ZWILCH: variants seen among roughly 807,000 people sequenced by gnomAD.
ZWILCH encodes zwilch kinetochore protein.
Under a neutral mutation model 79.9 loss-of-function variants are expected in ZWILCH, and 74 were observed. The ratio of observed to expected loss-of-function variants is 0.93; its 90% CI spans 0.77 to 1.12. The LOEUF is 1.12. Among genes scored for constraint, ZWILCH ranks in the 50% most tolerant of loss-of-function variants. The pLI is 0.00. For synonymous variants in ZWILCH, 241 were observed against 228.2 expected, an observed-to-expected ratio of 1.06 and a Z score of -0.51; for missense variants, 694 against 687.5, an observed-to-expected ratio of 1.01 and a Z score of -0.11.
chr15:66,507,887 C>G (rs1893887912), intron 1 of ZWILCH, among the ~76,000 whole-genome samples: 2 of 149,382 alleles, frequency 1.3e-5, no homozygotes, highest in African/African-American at 2.5e-5. Flanking sequence ...GAGCGGAGAT[C>G]ACGCCACTGT....
rs112076842 is a variant in ZWILCH, at chr15:66,505,370, A to C, written c.32A>C (p.Asp11Ala). Residue 11 changes from aspartate (D) to alanine (A), a missense_variant, in exon 1 of 19, where the codon GAC becomes GCC. Physicochemically the swap from Asp to Ala is moderately radical, Grantham distance 126 (BLOSUM62 -2). Coordinates refer to ENST00000307897, the MANE Select transcript of ZWILCH (RefSeq NM_017975.5). ...GAGCGGCTGAACTGCGCAGCAGAGG[A>C]CTTTTATTCTCGTCTCCTTCAGTGA... Reference protein sequence around the residue: MWERLNCAAEDFYSRLLQKFN... With the variant: MWERLNCAAEAFYSRLLQKFN... The C allele has an allele frequency of 1.9e-6, 3 of 1,613,932 alleles. No individual in the cohort carries two copies. In the African/African-American group the frequency reaches 4.0e-5, roughly 22 times the overall value.
chr15:66,509,610 G>C lies in ZWILCH; in HGVS notation c.105+718G>C, dbSNP rs565212252. Reference sequence around the variant, plus strand: ...TTTTTCCAGTTTTTGATGATTATGAGAGCTGCTATAAACATTCATATATTT... The same window carrying C: ...TTTTTCCAGTTTTTGATGATTATGACAGCTGCTATAAACATTCATATATTT... On this transcript the variant is annotated intron_variant, in intron 2 of 18. Coordinates refer to ENST00000307897, the MANE Select transcript of ZWILCH (RefSeq NM_017975.5). Among the ~76,000 whole-genome samples, 235 of 152,054 alleles carry C rather than the reference G, an allele frequency of 1.5e-3. 2 individuals are homozygous for C. The highest frequency in any genetic ancestry group is 2.7e-3 in the Non-Finnish European group (185 of 67,992).
At position 66,535,961 on chromosome 15, in the gene ZWILCH, T is replaced by C. The variant is rs749206771; in HGVS notation, c.1370T>C (p.Ile457Thr). Residue 457 changes from isoleucine (I) to threonine (T), a missense_variant, in exon 15 of 19, where the codon ATA becomes ACA. Ile to Thr is a moderately conservative substitution (Grantham distance 89). Coordinates refer to ENST00000307897, the MANE Select transcript of ZWILCH (RefSeq NM_017975.5). ...LEYFIAPSVDIQEQVYRVQKL... is the reference protein window; with the variant it reads ...LEYFIAPSVDTQEQVYRVQKL... Reference sequence around the variant, plus strand: ...TACTTCATTGCTCCATCAGTAGATATACAAGAACAGGTTTATCGTGTCCAA... The same window carrying C: ...TACTTCATTGCTCCATCAGTAGATACACAAGAACAGGTTTATCGTGTCCAA... 26 of 1,609,374 alleles carry C rather than the reference T, an allele frequency of 1.6e-5. No homozygotes were observed. The highest frequency in any genetic ancestry group is 1.6e-4 in the Middle Eastern group (1 of 6,066).
chr15:66,517,430 G>GTGTGTGTGTGTGTGTA, intron 4 of ZWILCH, among the ~76,000 whole-genome samples: 16 of 66,518 alleles, frequency 2.4e-4, no homozygotes, highest in Middle Eastern at 7.9e-3. Flanking sequence ...GTGTGTGTGT[G>GTGTGTGTGTGTGTGTA]TATATATATA....
chr15:66,516,766 A>G (rs1227670043), intron 4 of ZWILCH, among the ~76,000 whole-genome samples: 2 of 152,120 alleles, frequency 1.3e-5, no homozygotes, highest in African/African-American at 4.8e-5. Context: ...TTAGCCTCCC[A>G]ATGTGCTGGG....
intron 2 of ZWILCH, among the ~76,000 whole-genome samples, chr15:66,510,316 G>C (rs1039681617): frequency 1.3e-5 from 2 of 151,516 alleles, no homozygotes; most frequent in African/African-American, 4.8e-5. Context: ...GAACCTGGGA[G>C]GCAGAGGTTG....
At chr15:66,516,919 A>C (rs1229102342) in intron 4 of ZWILCH, among the ~76,000 whole-genome samples, 1 of 152,160 alleles carries the variant, frequency 6.6e-6, no homozygotes, top group African/African-American at 2.4e-5. Flanking sequence ...TATTTTCTCC[A>C]GCCAGTGTTT....
Position 66,539,951 on chromosome 15 carries a change from A to G in ZWILCH, c.1575-147A>G, listed in dbSNP as rs1895141165. On this transcript the variant is annotated intron_variant, in intron 16 of 18. Transcript: ENST00000307897. ...TCTTATTTTTCTTGCTCTCTTGACTATACACCTCAAGGGCGGGAATTGTGA... is the reference window on the plus strand; with the variant it reads ...TCTTATTTTTCTTGCTCTCTTGACTGTACACCTCAAGGGCGGGAATTGTGA... 3 of 495,474 alleles carry G rather than the reference A, an allele frequency of 6.1e-6. No individual in the cohort carries two copies. In the East Asian group the frequency reaches 1.0e-4, roughly 17 times the overall value. 30.7% of individuals were successfully genotyped at this position (495,474 alleles called of 1,614,324 possible).
chr15:66,536,850 T>C (rs1895031303), intron 15 of ZWILCH, among the ~76,000 whole-genome samples: 2 of 152,172 alleles, frequency 1.3e-5, no homozygotes, highest in Non-Finnish European at 1.5e-5. Context: ...TTTTTTTGTA[T>C]TGTTTCTCTC....
intron 10 of ZWILCH, among the ~76,000 whole-genome samples, chr15:66,528,357 G>T (rs1231297329): frequency 6.6e-6 from 1 of 152,190 alleles, no homozygotes; most frequent in African/African-American, 2.4e-5. Context: ...ACCTGCATTG[G>T]CCTCCCAAAG....
At chr15:66,530,918 G>A (rs1894833037) in intron 12 of ZWILCH, among the ~76,000 whole-genome samples, 1 of 152,162 alleles carries the variant, frequency 6.6e-6, no homozygotes, top group Admixed American at 6.5e-5. Flanking sequence ...TTTTTCTCTT[G>A]AGAGTTTCTG....
chr15:66,534,285 A>G (rs1274449443), intron 14 of ZWILCH, among the ~76,000 whole-genome samples: 2 of 152,206 alleles, frequency 1.3e-5, no homozygotes, highest in Non-Finnish European at 2.9e-5. Flanking sequence ...TTTAAAGCAT[A>G]CAGGAGGGTG....
chr15:66,546,907 T>G (rs1895390627), intron 18 of ZWILCH: 1 of 230,094 alleles, frequency 4.3e-6, no homozygotes. Flanking sequence ...TTTTAATAGG[T>G]CAATTTAATC....
At chr15:66,536,347 T>G (rs1438066438) in intron 15 of ZWILCH, among the ~76,000 whole-genome samples, 1 of 152,240 alleles carries the variant, frequency 6.6e-6, no homozygotes, top group Non-Finnish European at 1.5e-5. Context: ...AATAACCTCA[T>G]GTATTCGTAA....
rs569327048 is a variant in ZWILCH at position 66,526,770 on chromosome 15, C to T, written c.820-520C>T. 4.6e-5 allele frequency among the ~76,000 whole-genome samples: 7 copies of T among 152,226 alleles called. No individual in the cohort carries two copies. The East Asian group carries it at 1.4e-3, about 29-fold the overall frequency. On this transcript the variant is annotated intron_variant, in intron 8 of 18. Transcript: ENST00000307897. Reference sequence around the variant, plus strand: ...AGCCACGGCGCCCGGCACTTGACTGCTTTTTCTTAAGTCCATTGAGATATT... The same window carrying T: ...AGCCACGGCGCCCGGCACTTGACTGTTTTTTCTTAAGTCCATTGAGATATT...
intron 17 of ZWILCH, among the ~76,000 whole-genome samples, chr15:66,542,942 T>G (rs913667077): frequency 6.6e-6 from 1 of 152,244 alleles, no homozygotes; most frequent in Non-Finnish European, 1.5e-5. Flanking sequence ...TTGGTGTCTG[T>G]GCTGGCGTGG....
chr15:66,539,919 T>C (rs909324504), intron 16 of ZWILCH, among the ~76,000 whole-genome samples, 179 bp from the exon 17 acceptor site: 2 of 152,130 alleles, frequency 1.3e-5, no homozygotes, highest in Non-Finnish European at 2.9e-5. Flanking sequence ...CAAATTGTTA[T>C]TTTTATTCTT....
intron 3 of ZWILCH, among the ~76,000 whole-genome samples, chr15:66,514,895 G>A (rs1274329556): frequency 6.6e-6 from 1 of 152,092 alleles, no homozygotes; most frequent in Non-Finnish European, 1.5e-5. Flanking sequence ...GAACGTCTGG[G>A]TTTCCTTGGT....
At chr15:66,512,337 C>T (rs924180415) in intron 2 of ZWILCH, among the ~76,000 whole-genome samples, 14 of 151,682 alleles carry the variant, frequency 9.2e-5, no homozygotes, top group Admixed American at 4.6e-4. Context: ...AAGTTCACTG[C>T]GGCCTCAAAC....
Sources: allele counts gnomAD v4.1 joint callset (sites outside exome capture counted in the v4.1 genomes callset), GRCh38; gene constraint gnomAD v4.1.1; transcripts MANE v1.5; gene names NCBI Gene and HGNC (gene_info 2026-07-23, HGNC 2026-07-21).